Variants in COL15A1 observed in about 807,000 individuals in gnomAD.
COL15A1 encodes collagen type XV alpha 1 chain.
In COL15A1, 111 loss-of-function variants were observed where a neutral mutation model predicts 165.9. The observed-to-expected ratio is 0.67, with a 90% CI of 0.57 to 0.78. The LOEUF (loss-of-function observed/expected upper bound fraction) is 0.78, where lower values mean the gene tolerates loss of function less well. Among genes scored for constraint, COL15A1 ranks in the 30% least tolerant of loss-of-function variants. COL15A1 has a pLI of 0.00. For missense variants in COL15A1, 1,745 were observed against 1,789.7 expected, an observed-to-expected ratio of 0.98 and a Z score of 0.45; for synonymous variants, 659 against 674.8, an observed-to-expected ratio of 0.98 and a Z score of 0.36.
At position 99,049,872 on chromosome 9, in the gene COL15A1, G is replaced by A. The variant is rs149283742; in HGVS notation, c.2881G>A (p.Val961Ile). 340 of 1,614,164 alleles carry A rather than the reference G, an allele frequency of 2.1e-4. No individual in the cohort carries two copies. The highest frequency in any genetic ancestry group is 6.0e-4 in the African/African-American group (45 of 75,028). ...CCCACAGGCCATTTTCCCAATACCC[G>A]TCCGACCACACTGCAAAATGCCAGT... ...NIKGAIFPIPVRPHCKMPVDT... is the reference protein window; with the variant it reads ...NIKGAIFPIPIRPHCKMPVDT... The change falls in exon 30 of 42, where the codon GTC becomes ATC. Residue 961 changes from valine to isoleucine, a missense_variant. Physicochemically the swap from Val to Ile is conservative, Grantham distance 29 (BLOSUM62 3). Coordinates refer to ENST00000375001, the MANE Select transcript of COL15A1 (RefSeq NM_001855.5).
intron 2 of COL15A1, among the ~76,000 whole-genome samples, chr9:98,956,288 A>G (rs1474590122): frequency 6.6e-6 from 1 of 152,244 alleles, no homozygotes; most frequent in East Asian, 1.9e-4. Flanking sequence ...CCTGGGTGGC[A>G]GAGAAAGTCC....
chr9:99,020,580 C>T, intron 12 of COL15A1, 138 bp downstream of exon 12: 2 of 644,276 alleles, frequency 3.1e-6, no homozygotes, highest in Non-Finnish European at 5.6e-6. Context: ...AAGAAATGGA[C>T]TTGTAGGTCT....
chr9:99,057,796 A>C (rs1011150042), intron 35 of COL15A1, among the ~76,000 whole-genome samples: 1 of 152,196 alleles, frequency 6.6e-6, no homozygotes, highest in African/African-American at 2.4e-5. Context: ...GGCAGGAGCC[A>C]GGTATGGTGG....
chr9:98,999,737 C>T (rs1241016288), intron 6 of COL15A1, among the ~76,000 whole-genome samples: 5 of 152,014 alleles, frequency 3.3e-5, no homozygotes, highest in African/African-American at 1.2e-4. Flanking sequence ...CAAGACTGGT[C>T]ATGAACTCCT....
intron 9 of COL15A1, 44 bp from the exon 10 acceptor site, chr9:99,015,373 G>A (rs762090099): frequency 4.1e-6 from 6 of 1,471,704 alleles, no homozygotes; most frequent in African/African-American, 1.4e-5. Context: ...TGAACCAGGG[G>A]CATGGGCGAA....
At chr9:98,990,384 G>A (rs998735365) in intron 5 of COL15A1, among the ~76,000 whole-genome samples, 12 of 152,232 alleles carry the variant, frequency 7.9e-5, no homozygotes, top group African/African-American at 2.7e-4. Context: ...CTCTTGGCCA[G>A]TTGGGATGAA....
intron 4 of COL15A1, among the ~76,000 whole-genome samples, chr9:98,988,496 GC>G (rs1838355633): frequency 6.6e-6 from 1 of 152,202 alleles, no homozygotes; most frequent in Non-Finnish European, 1.5e-5. Flanking sequence ...TGTTCCCAGC[GC>G]AAGATTCCAA....
intron 7 of COL15A1, among the ~76,000 whole-genome samples, chr9:99,002,317 T>C (rs1838673306): frequency 1.3e-5 from 2 of 151,878 alleles, no homozygotes; most frequent in African/African-American, 2.4e-5. Context: ...TTTGTCTCCC[T>C]GGAGAAAATC....
At chr9:98,992,858 C>T in intron 5 of COL15A1, among the ~76,000 whole-genome samples, 1 of 152,294 alleles carries the variant, frequency 6.6e-6, no homozygotes, top group East Asian at 1.9e-4. Context: ...ACTGCAGGCA[C>T]TGGGGCAGAT....
Position 98,997,903 on chromosome 9 carries a change from G to A in COL15A1, c.952+822G>A, listed in dbSNP as rs1564040362. ...TGTAAGTACAAGATCATTCCTGGCA[G>A]CACTGTTCTTAGGAACAAAAATAAC... On this transcript the variant is annotated intron_variant, in intron 6 of 41. Coordinates refer to ENST00000375001, the MANE Select transcript of COL15A1 (RefSeq NM_001855.5). The A allele has an allele frequency of 1.3e-5, 2 of 152,230 alleles. 1 individual carries two copies. The highest frequency in any genetic ancestry group is 3.8e-4 in the East Asian group (2 of 5,200). 9.4% of individuals were successfully genotyped at this position (152,230 alleles called of 1,614,324 possible).
At chr9:99,036,000 T>C (rs1839294118) in intron 19 of COL15A1, among the ~76,000 whole-genome samples, 170 bp from the exon 20 acceptor site, 1 of 152,132 alleles carries the variant, frequency 6.6e-6, no homozygotes, top group African/African-American at 2.4e-5. Context: ...TCTCACTCTG[T>C]GGAGTGTTGC....
chr9:99,022,926 A>G (rs1250371471), intron 13 of COL15A1, among the ~76,000 whole-genome samples: 1 of 152,128 alleles, frequency 6.6e-6, no homozygotes, highest in Non-Finnish European at 1.5e-5. Context: ...CTGGCTCTTG[A>G]GCCCTAGTTT....
At chr9:99,010,014 G>T (rs1489430127) in intron 9 of COL15A1, among the ~76,000 whole-genome samples, 1 of 152,154 alleles carries the variant, frequency 6.6e-6, no homozygotes, top group African/African-American at 2.4e-5. Context: ...CTCAAAATCT[G>T]CCCTTATAAT....
chr9:99,025,875 G>T, intron 15 of COL15A1, 29 bp from the exon 16 acceptor site: 1 of 1,608,790 alleles, frequency 6.2e-7, no homozygotes, highest in Middle Eastern at 1.7e-4. Flanking sequence ...CAGAAATGTT[G>T]TGGGTTGATT....
chr9:99,013,819 A>T (rs1225327493), intron 9 of COL15A1, among the ~76,000 whole-genome samples: 1 of 152,176 alleles, frequency 6.6e-6, no homozygotes, highest in Non-Finnish European at 1.5e-5. Context: ...TTTGTTCTGA[A>T]TACTTTAAGG....
chr9:98,985,626 C>T lies in COL15A1; in HGVS notation c.162C>T (p.Ser54=), dbSNP rs375324510. 66 of 1,614,144 alleles carry T rather than the reference C, an allele frequency of 4.1e-5. No homozygotes were observed. The highest frequency in any genetic ancestry group is 5.0e-5 in the Non-Finnish European group (59 of 1,180,046). Residue 54 remains serine (S), a synonymous_variant, in exon 3 of 42, where the codon TCC becomes TCT. Transcript: ENST00000375001. ...TCATCGGTGTCCCGCTGCCCTCGTCCGTATCCTTTGTCACAGGCTATGGTG... is the reference window on the plus strand; with the variant it reads ...TCATCGGTGTCCCGCTGCCCTCGTCTGTATCCTTTGTCACAGGCTATGGTG... ...TQLIGVPLPS[S]VSFVTGYGGF...
At chr9:99,029,769 CA>C (rs1225394848) in intron 16 of COL15A1, among the ~76,000 whole-genome samples, 2 of 151,836 alleles carry the variant, frequency 1.3e-5, no homozygotes, top group Admixed American at 6.6e-5. Flanking sequence ...ACTAAAAATA[CA>C]AAAAATTAGC....
intron 28 of COL15A1, among the ~76,000 whole-genome samples, chr9:99,049,425 G>T (rs953113201): frequency 1.3e-5 from 2 of 152,166 alleles, no homozygotes; most frequent in African/African-American, 4.8e-5. Flanking sequence ...TCTTGAGCAG[G>T]TCACCTCCCC....
Position 98,968,571 on chromosome 9 carries a change from G to A in COL15A1, c.101-16994G>A, listed in dbSNP as rs368041974. On this transcript the variant is annotated intron_variant, in intron 2 of 41. Coordinates refer to ENST00000375001, the MANE Select transcript of COL15A1 (RefSeq NM_001855.5). Reference sequence around the variant, plus strand: ...GTGTCTTATAAGAACACCTGTCATTGGATCTAGTGCCCACCCAGATAATGC... The same window carrying A: ...GTGTCTTATAAGAACACCTGTCATTAGATCTAGTGCCCACCCAGATAATGC... Among the ~76,000 whole-genome samples the A allele has an allele frequency of 4.6e-5, 7 of 152,060 alleles. No homozygotes were observed. The East Asian group carries it at 1.4e-3, about 29-fold the overall frequency.
Sources: gnomAD v4.1 joint callset for allele counts (sites outside exome capture counted in the v4.1 genomes callset) on GRCh38, gnomAD v4.1.1 for gene constraint, MANE v1.5 for transcripts, NCBI Gene and HGNC (gene_info 2026-07-23, HGNC 2026-07-21) for gene names.